The following UGT8 variants were observed in gnomAD, a reference collection of about 807,000 sequenced individuals.
UGT8 encodes the protein 2-hydroxyacylsphingosine 1-beta-galactosyltransferase.
In UGT8, 12 loss-of-function variants were observed where a neutral mutation model predicts 40.5. That is an observed-to-expected ratio of 0.30 (90% CI 0.19 to 0.48). The LOEUF is 0.48. UGT8 is among the 20% of genes least tolerant of loss of function. The pLI, the probability that UGT8 is intolerant of heterozygous loss-of-function variation, is 0.99. For missense variants in UGT8, 513 were observed against 648.7 expected, an observed-to-expected ratio of 0.79 and a Z score of 2.27; for synonymous variants, 224 against 240.4, an observed-to-expected ratio of 0.93 and a Z score of 0.63.
intron 1 of UGT8, among the ~76,000 whole-genome samples, chr4:114,616,191 C>T (rs1468969673): frequency 1.3e-5 from 2 of 152,196 alleles, no homozygotes; most frequent in South Asian, 4.1e-4. Context: ...ATGCCCTGCC[C>T]CCAGAGGTGG....
At chr4:114,602,993 G>A (rs1730526800) in intron 1 of UGT8, among the ~76,000 whole-genome samples, 1 of 152,156 alleles carries the variant, frequency 6.6e-6, no homozygotes, top group African/African-American at 2.4e-5. Context: ...GAAGATATTG[G>A]GGTGGCTTTG....
chr4:114,650,453 T>C (rs1407507597), intron 2 of UGT8, among the ~76,000 whole-genome samples: 1 of 152,174 alleles, frequency 6.6e-6, no homozygotes, highest in Non-Finnish European at 1.5e-5. Flanking sequence ...ACACTAGCCA[T>C]AAGTGGGTGT....
chr4:114,629,570 GT>G (rs1463568242), intron 2 of UGT8, among the ~76,000 whole-genome samples: 2 of 152,108 alleles, frequency 1.3e-5, no homozygotes, highest in Non-Finnish European at 2.9e-5. Flanking sequence ...TTATTTTGTA[GT>G]AAGAAACCAA....
intron 1 of UGT8, among the ~76,000 whole-genome samples, chr4:114,621,572 G>T (rs1392125026): frequency 6.6e-6 from 1 of 152,106 alleles, no homozygotes; most frequent in Non-Finnish European, 1.5e-5. Flanking sequence ...GAATTAAAAT[G>T]ATTTAAATAA....
At chr4:114,654,418 AC>A (rs1734055416) in intron 2 of UGT8, among the ~76,000 whole-genome samples, 1 of 152,050 alleles carries the variant, frequency 6.6e-6, no homozygotes, top group Non-Finnish European at 1.5e-5. Flanking sequence ...TGCAAAATCT[AC>A]CCTAGTAACG....
chr4:114,653,385 G>A (rs1733997768), intron 2 of UGT8, among the ~76,000 whole-genome samples: 2 of 151,952 alleles, frequency 1.3e-5, no homozygotes, highest in South Asian at 2.1e-4. Flanking sequence ...CTTTGATATT[G>A]TCATTGACCT....
At chr4:114,617,458 A>G (rs952676551) in intron 1 of UGT8, among the ~76,000 whole-genome samples, 1 of 152,212 alleles carries the variant, frequency 6.6e-6, no homozygotes. Context: ...AAGCAAGCAT[A>G]GAAATAATTT....
At position 114,677,041 on chromosome 4, in the gene UGT8, A is replaced by C. The variant is rs1312357973; in HGVS notation, c.*753A>C. 1 of 152,034 alleles carries C rather than the reference A, an allele frequency of 6.6e-6. No homozygotes were observed. The highest frequency in any genetic ancestry group is 1.5e-5 in the Non-Finnish European group (1 of 68,008). The allele number at this position is 152,034 out of a possible 1,614,324, so 9.4% of individuals were successfully genotyped here. A position where few individuals can be genotyped will look rare whatever the true frequency, so the allele number is the denominator to read the frequency against. ...TTACTTTTGTTTTCCCACTACCAAT[A>C]ATTTTCCTCTGGAAGAATTTTATAG... On this transcript the variant is annotated 3_prime_UTR_variant, in exon 6 of 6. Coordinates refer to ENST00000310836, the MANE Select transcript of UGT8 (RefSeq NM_001128174.3).
chr4:114,623,224 A>C lies in UGT8; in HGVS notation c.344A>C (p.Asp115Ala), dbSNP rs776592565. ...DILDHYTKNCDLMVGNHALIQ... is the reference protein window; with the variant it reads ...DILDHYTKNCALMVGNHALIQ... ...CTGGATCACTATACTAAGAACTGTGACCTGATGGTTGGCAACCATGCCCTG... is the reference window on the plus strand; with the variant it reads ...CTGGATCACTATACTAAGAACTGTGCCCTGATGGTTGGCAACCATGCCCTG... Residue 115 changes from aspartate to alanine, a missense_variant, in exon 2 of 6, where the codon GAC becomes GCC. Physicochemically the swap from Asp to Ala is moderately radical, Grantham distance 126. Transcript: ENST00000310836. The C allele has an allele frequency of 6.8e-6, 11 of 1,614,086 alleles. No individual in the cohort carries two copies. The East Asian group carries it at 2.2e-4, about 33-fold the overall frequency.
intron 1 of UGT8, among the ~76,000 whole-genome samples, chr4:114,602,646 G>T (rs1730507775): frequency 1.3e-5 from 2 of 152,320 alleles, no homozygotes; most frequent in South Asian, 4.2e-4. Flanking sequence ...GGGAGACAAG[G>T]AGGAAACAGG....
intron 1 of UGT8, among the ~76,000 whole-genome samples, chr4:114,609,063 A>G (rs1730893575): frequency 6.6e-6 from 1 of 152,140 alleles, no homozygotes; most frequent in South Asian, 2.1e-4. Flanking sequence ...TGAGCAGAGC[A>G]ATAGGAATAG....
At chr4:114,639,275 T>C (rs915279848) in intron 2 of UGT8, among the ~76,000 whole-genome samples, 2 of 152,188 alleles carry the variant, frequency 1.3e-5, no homozygotes, top group Admixed American at 6.5e-5. Flanking sequence ...CAAATATATA[T>C]TCAGTATCAG....
At chr4:114,600,280 T>C (rs1730365177) in intron 1 of UGT8, among the ~76,000 whole-genome samples, 1 of 152,174 alleles carries the variant, frequency 6.6e-6, no homozygotes, top group Non-Finnish European at 1.5e-5. Context: ...CTACTCCAAA[T>C]ACTCCAAAAA....
chr4:114,614,716 T>A (rs985935687), intron 1 of UGT8, among the ~76,000 whole-genome samples: 6 of 152,206 alleles, frequency 3.9e-5, no homozygotes, highest in Non-Finnish European at 7.3e-5. Context: ...ATGAAAAACA[T>A]TAATTTAGTA....
chr4:114,671,868 A>G (rs1007894180), intron 5 of UGT8, among the ~76,000 whole-genome samples: 7 of 152,242 alleles, frequency 4.6e-5, no homozygotes, highest in Non-Finnish European at 8.8e-5. Flanking sequence ...AAAAGAAACT[A>G]TCATCAGAGT....
At chr4:114,620,759 G>A (rs954551348) in intron 1 of UGT8, among the ~76,000 whole-genome samples, 4 of 152,116 alleles carry the variant, frequency 2.6e-5, no homozygotes, top group Admixed American at 6.6e-5. Flanking sequence ...TCTTGTTATT[G>A]GAAGAATCTA....
intron 4 of UGT8, among the ~76,000 whole-genome samples, chr4:114,667,216 A>G (rs1734943045): frequency 6.6e-6 from 1 of 152,160 alleles, no homozygotes; most frequent in South Asian, 2.1e-4. Flanking sequence ...CATGGTTCCC[A>G]TACATATTAA....
chr4:114,676,358 C>T lies in UGT8; in HGVS notation c.*70C>T, dbSNP rs918005415. Reference sequence around the variant, plus strand: ...TTTTTATTGCTATTATTTAGTCTAACAGCTACTAAAAGTAAAACATCAGTA... The same window carrying T: ...TTTTTATTGCTATTATTTAGTCTAATAGCTACTAAAAGTAAAACATCAGTA... On this transcript the variant is annotated 3_prime_UTR_variant, in exon 6 of 6. Transcript: ENST00000310836. 5 of 1,317,474 alleles carry T rather than the reference C, an allele frequency of 3.8e-6. No individual in the cohort carries two copies. The highest frequency in any genetic ancestry group is 2.3e-5 in the East Asian group (1 of 43,090). The allele number at this position is 1,317,474 out of a possible 1,614,324, so 81.6% of individuals were successfully genotyped here.
intron 2 of UGT8, among the ~76,000 whole-genome samples, chr4:114,656,298 C>A (rs556220143): frequency 4.2e-4 from 63 of 149,692 alleles, no homozygotes; most frequent in African/African-American, 1.5e-3. Flanking sequence ...GTTTTTTTTT[C>A]TGGAAAGAAA....
Sources: allele counts gnomAD v4.1 joint callset (sites outside exome capture counted in the v4.1 genomes callset), GRCh38; gene constraint gnomAD v4.1.1; transcripts MANE v1.5; gene names NCBI Gene and HGNC (gene_info 2026-07-23, HGNC 2026-07-21).